Variants in GABRB3 observed in about 807,000 individuals in gnomAD.
GABRB3 encodes the protein gamma-aminobutyric acid receptor subunit beta-3.
In GABRB3, 14 loss-of-function variants were observed where a neutral mutation model predicts 52.1. The ratio of observed to expected loss-of-function variants is 0.27; its 90% CI spans 0.18 to 0.42. GABRB3 has a LOEUF of 0.42. GABRB3 is among the 10% of genes least tolerant of loss of function. The pLI is 1.00. For missense variants in GABRB3, 307 were observed against 609.1 expected (o/e 0.50, Z 5.22); for synonymous variants, 260 against 232.3 (o/e 1.12, Z -1.08).
intron 3 of GABRB3, among the ~76,000 whole-genome samples, chr15:26,734,115 C>G (rs974355367): frequency 1.3e-5 from 2 of 150,534 alleles, no homozygotes; most frequent in Non-Finnish European, 3.0e-5. Flanking sequence ...ACACAACCTC[C>G]GCCTCCTGGG....
rs1555370529 is a variant in GABRB3 at position 26,606,812 on chromosome 15, A to AGATAGATATATT, written c.461+14501_461+14502insAATATATCTATC. On this transcript the variant is annotated intron_variant, in intron 4 of 8. Coordinates refer to ENST00000311550, the MANE Select transcript of GABRB3 (RefSeq NM_000814.6). ...TCTATAGATAGATATATCTATAGAT[A>AGATAGATATATT]GATAGATAGATAGATAGATAGATAG... Among the ~76,000 whole-genome samples the AGATAGATATATT allele has an allele frequency of 9.3e-5, 7 of 75,506 alleles. 1 individual carries two copies. In the South Asian group the frequency reaches 2.8e-3, roughly 30 times the overall value. 49.5% of individuals were successfully genotyped at this position (75,506 alleles called of 152,430 possible).
Position 26,769,210 on chromosome 15 carries a change from G to A in GABRB3, c.240+3192C>T, listed in dbSNP as rs954215533. Among the ~76,000 whole-genome samples the A allele has an allele frequency of 7.2e-5, 11 of 152,250 alleles. 1 individual carries two copies. The highest frequency in any genetic ancestry group is 5.9e-4 in the Admixed American group (9 of 15,298). ...TCTCTCCCCATTTTGAGATACGTGT[G>A]TTTTTCAAAGTCCTTGTTTTGAACT... On this transcript the variant is annotated intron_variant, in intron 3 of 8. Coordinates refer to ENST00000311550, the MANE Select transcript of GABRB3 (RefSeq NM_000814.6).
chr15:26,640,295 A>T (rs1282529307), intron 3 of GABRB3, among the ~76,000 whole-genome samples: 1 of 152,184 alleles, frequency 6.6e-6, no homozygotes, highest in Non-Finnish European at 1.5e-5. Context: ...AGGCAGGCAG[A>T]TCACGAGGTC....
intron 3 of GABRB3, among the ~76,000 whole-genome samples, chr15:26,664,496 G>A (rs1887641477): frequency 6.6e-6 from 1 of 152,024 alleles, no homozygotes; most frequent in South Asian, 2.1e-4. Context: ...AGTCTTGACT[G>A]TGTATGTTTC....
At chr15:26,615,184 G>A in intron 4 of GABRB3, 6 of 636,046 alleles carry the variant, frequency 9.4e-6, no homozygotes, top group Non-Finnish European at 1.2e-5. Context: ...AAACTTCAGT[G>A]CAGCATCAAA....
At chr15:26,700,909 G>A (rs77863320) in intron 3 of GABRB3, among the ~76,000 whole-genome samples, 25,223 of 152,088 alleles carry the variant, frequency 0.17, 2,321 homozygotes, top group Middle Eastern at 0.26. Context: ...CAAAAAATTA[G>A]CCAGGCGTGG....
intron 3 of GABRB3, among the ~76,000 whole-genome samples, chr15:26,627,947 A>C (rs1242133198): frequency 6.6e-6 from 1 of 152,204 alleles, no homozygotes; most frequent in Admixed American, 6.5e-5. Context: ...CAAAGTAATA[A>C]ATTTCATTGT....
At chr15:26,772,231 G>C in intron 3 of GABRB3, 171 bp downstream of exon 3, 1 of 549,526 alleles carries the variant, frequency 1.8e-6, no homozygotes. Context: ...CCCGGGGCGG[G>C]TGCAGGGAGC....
chr15:26,586,397 A>ACACACACACACACACACAC (rs149254517), intron 4 of GABRB3, among the ~76,000 whole-genome samples: 7 of 138,070 alleles, frequency 5.1e-5, no homozygotes, highest in Admixed American at 1.5e-4. Flanking sequence ...AACCACCCCT[A>ACACACACACACACACACAC]ACACACACAC....
intron 3 of GABRB3, among the ~76,000 whole-genome samples, chr15:26,753,509 A>G (rs1167650895): frequency 6.6e-6 from 1 of 152,234 alleles, no homozygotes; most frequent in Non-Finnish European, 1.5e-5. Context: ...TTTGGGACTG[A>G]GTGACAAGTG....
intron 3 of GABRB3, among the ~76,000 whole-genome samples, chr15:26,641,637 C>A (rs1000534150): frequency 2.6e-5 from 4 of 152,224 alleles, no homozygotes; most frequent in African/African-American, 9.6e-5. Context: ...TCATTTCCAT[C>A]AGCACTGCCT....
chr15:26,583,497 C>A, intron 4 of GABRB3, 83 bp from the exon 5 acceptor site: 2 of 1,147,756 alleles, frequency 1.7e-6, no homozygotes, highest in Non-Finnish European at 2.6e-6. Context: ...AACGAGTAAG[C>A]CCCTGTGGGA....
chr15:26,705,182 T>C (rs955554053), intron 3 of GABRB3, among the ~76,000 whole-genome samples: 42 of 152,168 alleles, frequency 2.8e-4, no homozygotes, highest in African/African-American at 9.7e-4. Context: ...AAGATCAAGG[T>C]GCTGGCATAA....
intron 3 of GABRB3, among the ~76,000 whole-genome samples, chr15:26,770,257 C>A (rs2140195901): frequency 6.6e-6 from 1 of 152,152 alleles, no homozygotes; most frequent in East Asian, 1.9e-4. Context: ...CTACTGGGAT[C>A]CTCAATATTT....
chr15:26,736,730 A>T (rs1342950162), intron 3 of GABRB3, among the ~76,000 whole-genome samples: 1 of 152,244 alleles, frequency 6.6e-6, no homozygotes, highest in Non-Finnish European at 1.5e-5. Context: ...AATGTGTTCC[A>T]TTTGCACATC....
At chr15:26,736,902 G>A (rs1393299114) in intron 3 of GABRB3, among the ~76,000 whole-genome samples, 5 of 152,238 alleles carry the variant, frequency 3.3e-5, no homozygotes, top group Admixed American at 3.3e-4. Context: ...TGATGCAAAA[G>A]TCACCGGCAC....
chr15:26,642,510 T>C, intron 3 of GABRB3: 3 of 1,288,728 alleles, frequency 2.3e-6, no homozygotes, highest in Non-Finnish European at 3.0e-6. Flanking sequence ...GAATCCTAGC[T>C]GTGCAGTTCC....
chr15:26,596,620 A>G (rs1891404710), intron 4 of GABRB3, among the ~76,000 whole-genome samples: 1 of 152,178 alleles, frequency 6.6e-6, no homozygotes, highest in Non-Finnish European at 1.5e-5. Flanking sequence ...CAGGTATAGA[A>G]ATTTCCCATA....
At chr15:26,721,632 C>T (rs1052288603) in intron 3 of GABRB3, among the ~76,000 whole-genome samples, 10 of 151,688 alleles carry the variant, frequency 6.6e-5, no homozygotes, top group African/African-American at 1.5e-4. Flanking sequence ...TACAGAGCTC[C>T]GTCTCAACTA....
Sources: gnomAD v4.1 joint callset for allele counts (sites outside exome capture counted in the v4.1 genomes callset) on GRCh38, gnomAD v4.1.1 for gene constraint, MANE v1.5 for transcripts, NCBI Gene and HGNC (gene_info 2026-07-23, HGNC 2026-07-21) for gene names.